The following CTNND2 variants were observed in gnomAD, a reference collection of about 807,000 sequenced individuals.
CTNND2 encodes catenin delta 2.
In CTNND2, 22 loss-of-function variants were observed where a neutral mutation model predicts 144.4. The observed-to-expected ratio is 0.15, with a 90% CI of 0.11 to 0.22. CTNND2 has a LOEUF of 0.22. Ranked by LOEUF, CTNND2 falls within the 10% of genes least tolerant of loss-of-function variation. The pLI, the probability that CTNND2 is intolerant of heterozygous loss-of-function variation, is 1.00. For missense variants in CTNND2, 1,353 were observed against 1,618.8 expected (o/e 0.84, Z 2.82); for synonymous variants, 751 against 695.6 (o/e 1.08, Z -1.25).
intron 1 of CTNND2, among the ~76,000 whole-genome samples, chr5:11,867,643 A>G (rs942077434): frequency 2.0e-5 from 3 of 152,102 alleles, no homozygotes; most frequent in Non-Finnish European, 4.4e-5. Flanking sequence ...CCATTCATTC[A>G]TTCATTCATT....
In CTNND2 at chr5:11,427,122, G is replaced by A. The variant is rs1207975793; in HGVS notation, c.288-15053C>T. Among the ~76,000 whole-genome samples, 3 of 152,022 alleles carry A rather than the reference G, an allele frequency of 2.0e-5. No individual in the cohort carries two copies. The East Asian group carries it at 5.8e-4, about 29-fold the overall frequency. On this transcript the variant is annotated intron_variant, in intron 3 of 21. Transcript: ENST00000304623. ...TACACAGATAAATAGTAAAATCTGTGCTAACAACTTAAAATTTTAAGTTTT... is the reference window on the plus strand; with the variant it reads ...TACACAGATAAATAGTAAAATCTGTACTAACAACTTAAAATTTTAAGTTTT...
At chr5:10,996,442 A>C (rs1012491225) in intron 18 of CTNND2, among the ~76,000 whole-genome samples, 3 of 115,480 alleles carry the variant, frequency 2.6e-5, no homozygotes, top group African/African-American at 1.0e-4. Context: ...TCCAAGAAGG[A>C]CGTCTGTTCC....
intron 12 of CTNND2, among the ~76,000 whole-genome samples, chr5:11,156,458 C>G (rs1351052326): frequency 2.0e-5 from 3 of 152,146 alleles, no homozygotes; most frequent in Non-Finnish European, 4.4e-5. Flanking sequence ...TGCTGGATTT[C>G]CAAGCTATAC....
chr5:11,344,580 G>A (rs1754588023), intron 9 of CTNND2, among the ~76,000 whole-genome samples: 1 of 151,272 alleles, frequency 6.6e-6, no homozygotes, highest in Non-Finnish European at 1.5e-5. Flanking sequence ...TTTTTTTTGG[G>A]GGGTCTGTGG....
chr5:11,079,885 AG>A (rs1749367394), intron 16 of CTNND2, among the ~76,000 whole-genome samples: 1 of 152,230 alleles, frequency 6.6e-6, no homozygotes, highest in Admixed American at 6.5e-5. Context: ...AGGAGAAAAC[AG>A]GGGAAAAGCT....
chr5:11,424,478 T>TAC (rs75197667), intron 3 of CTNND2, among the ~76,000 whole-genome samples: 33,477 of 151,780 alleles, frequency 0.22, 4,466 homozygotes, highest in African/African-American at 0.37. Context: ...CACATACACA[T>TAC]ACACACACAT....
chr5:11,855,059 A>T (rs1795190255), intron 1 of CTNND2, among the ~76,000 whole-genome samples: 1 of 152,194 alleles, frequency 6.6e-6, no homozygotes, highest in Non-Finnish European at 1.5e-5. Flanking sequence ...TCTGATTAAG[A>T]CACAGTTCCT....
intron 7 of CTNND2, among the ~76,000 whole-genome samples, chr5:11,383,812 T>C (rs1206886706): frequency 6.6e-6 from 1 of 152,228 alleles, no homozygotes. Flanking sequence ...GTCAGGTGTT[T>C]CAGAAGACAA....
chr5:11,807,676 C>T (rs1792080607), intron 1 of CTNND2, among the ~76,000 whole-genome samples: 1 of 152,024 alleles, frequency 6.6e-6, no homozygotes, highest in South Asian at 2.1e-4. Flanking sequence ...TTTTCAAAGC[C>T]CACTCTAAAA....
intron 11 of CTNND2, among the ~76,000 whole-genome samples, chr5:11,167,696 CT>C (rs34347219): frequency 0.036 from 4,977 of 137,778 alleles, 157 homozygotes; most frequent in East Asian, 0.11. Flanking sequence ...GTCATATTCA[CT>C]TTTTTTTTTT....
At chr5:11,652,556 T>A (rs1289483325) in intron 2 of CTNND2, among the ~76,000 whole-genome samples, 1 of 152,236 alleles carries the variant, frequency 6.6e-6, no homozygotes, top group Non-Finnish European at 1.5e-5. Context: ...TTGTTATTGC[T>A]AGTCTATAGG....
At chr5:11,844,310 G>A (rs1794631163) in intron 1 of CTNND2, among the ~76,000 whole-genome samples, 1 of 152,082 alleles carries the variant, frequency 6.6e-6, no homozygotes, top group African/African-American at 2.4e-5. Context: ...TTCATAGAGA[G>A]ATCTAACGTG....
chr5:10,990,682 C>T (rs184267531), intron 19 of CTNND2, among the ~76,000 whole-genome samples: 34 of 152,314 alleles, frequency 2.2e-4, no homozygotes, highest in African/African-American at 7.2e-4. Context: ...TAATTATCTC[C>T]TGAGACCTCA....
rs370027983 is a variant in CTNND2, at chr5:11,491,911, C to T, written c.287+73033G>A. Among the ~76,000 whole-genome samples the T allele has an allele frequency of 6.2e-4, 94 of 152,330 alleles. 1 individual carries two copies. The highest frequency in any genetic ancestry group is 2.1e-3 in the African/African-American group (88 of 41,582). ...TTGAACATTTGGTTCTCTCTAGACACTCTGCTGTCACCAAAACACTGCTAT... is the reference window on the plus strand; with the variant it reads ...TTGAACATTTGGTTCTCTCTAGACATTCTGCTGTCACCAAAACACTGCTAT... On this transcript the variant is annotated intron_variant, in intron 3 of 21. Coordinates refer to ENST00000304623, the MANE Select transcript of CTNND2 (RefSeq NM_001332.4).
At chr5:11,176,972 C>T (rs2023914) in intron 11 of CTNND2, among the ~76,000 whole-genome samples, 9,133 of 152,168 alleles carry the variant, frequency 0.06, 340 homozygotes, top group East Asian at 0.15. Context: ...GTAGGATTTG[C>T]TGACTTGTTT....
At chr5:11,693,052 C>A (rs1784982767) in intron 2 of CTNND2, among the ~76,000 whole-genome samples, 1 of 152,194 alleles carries the variant, frequency 6.6e-6, no homozygotes, top group Admixed American at 6.5e-5. Context: ...ATATATTATA[C>A]ATATAAATTC....
chr5:11,748,222 T>C lies in CTNND2; in HGVS notation c.38-15950A>G, dbSNP rs1188989277. Among the ~76,000 whole-genome samples the C allele has an allele frequency of 3.3e-5, 5 of 152,114 alleles. No individual in the cohort carries two copies. The East Asian group carries it at 9.6e-4, about 29-fold the overall frequency. On this transcript the variant is annotated intron_variant, in intron 1 of 21. Transcript: ENST00000304623. ...ACTGAATAGAGCCATAATAATTTTA[T>C]AGCTGCCAAGATACATTGACATTTT...
intron 2 of CTNND2, among the ~76,000 whole-genome samples, chr5:11,684,531 T>G (rs1441162078): frequency 6.6e-6 from 1 of 152,254 alleles, no homozygotes; most frequent in African/African-American, 2.4e-5. Context: ...TTATTTTAAA[T>G]GCAGATTTCC....
chr5:11,737,572 C>A (rs367782255), intron 1 of CTNND2, among the ~76,000 whole-genome samples: 8 of 152,302 alleles, frequency 5.3e-5, no homozygotes, highest in African/African-American at 1.7e-4. Context: ...AACAACACCA[C>A]TAGCAGTTTC....
Sources: gnomAD v4.1 joint callset for allele counts (sites outside exome capture counted in the v4.1 genomes callset) on GRCh38, gnomAD v4.1.1 for gene constraint, MANE v1.5 for transcripts, NCBI Gene and HGNC (gene_info 2026-07-23, HGNC 2026-07-21) for gene names.